The following SIAH2 variants were observed in gnomAD, a reference collection of about 807,000 sequenced individuals.
SIAH2 encodes siah E3 ubiquitin protein ligase 2.
A neutral mutation model predicts 20.4 loss-of-function variants in SIAH2; 4 were observed. The ratio of observed to expected loss-of-function variants is 0.20; its 90% CI spans 0.10 to 0.45. The LOEUF (loss-of-function observed/expected upper bound fraction) is 0.45. Among genes scored for constraint, SIAH2 ranks in the 20% least tolerant of loss-of-function variants. The probability of loss-of-function intolerance (pLI) is 0.99; values close to 1 mark genes in which losing one functional copy is unlikely to be tolerated. For synonymous variants in SIAH2, 171 were observed against 192.5 expected (o/e 0.89, Z 0.93); for missense variants, 259 against 440.3 (o/e 0.59, Z 3.69).
At position 150,754,271 on chromosome 3, in the gene SIAH2, G is replaced by A. The variant is rs186123543; in HGVS notation, c.417+8162C>T. Among the ~76,000 whole-genome samples, 79 of 152,290 alleles carry A rather than the reference G, an allele frequency of 5.2e-4. 1 individual carries two copies. The highest frequency in any genetic ancestry group is 1.8e-3 in the African/African-American group (74 of 41,566). Reference sequence around the variant, plus strand: ...GAAGCATAGTGGCTTCTGCTTCTAGGGAGGCCTCAGAAAGCTTCCAATCAT... The same window carrying A: ...GAAGCATAGTGGCTTCTGCTTCTAGAGAGGCCTCAGAAAGCTTCCAATCAT... On this transcript the variant is annotated intron_variant, in intron 1 of 1. Coordinates refer to ENST00000312960, the MANE Select transcript of SIAH2 (RefSeq NM_005067.7).
intron 1 of SIAH2, among the ~76,000 whole-genome samples, chr3:150,750,053 T>C (rs1714323787): frequency 6.6e-6 from 1 of 152,238 alleles, no homozygotes; most frequent in Non-Finnish European, 1.5e-5. Flanking sequence ...TTTCTGACAG[T>C]ATAATTTATT....
At chr3:150,752,222 C>T (rs1424738588) in intron 1 of SIAH2, among the ~76,000 whole-genome samples, 6 of 152,250 alleles carry the variant, frequency 3.9e-5, no homozygotes, top group Non-Finnish European at 7.3e-5. Context: ...ACTGCCCTGA[C>T]AGTTCTTCAA....
Position 150,742,130 on chromosome 3 carries a change from C to A in SIAH2, c.*11G>T, listed in dbSNP as rs1472356069. On this transcript the variant is annotated 3_prime_UTR_variant, in exon 2 of 2. Transcript: ENST00000312960. This position sits in a 1 kb window ranked among gnomAD's most constrained non-coding sequence, Gnocchi z 4.8. The stretch of plus-strand genomic sequence containing the variant: ...ATGCCCAAATAATTTTGAAGGTTTA[C>A]GAAAGTCACATCATGGACAACATGT... 1 of 1,597,196 alleles carries A rather than the reference C, an allele frequency of 6.3e-7. No individual in the cohort carries two copies. Among genetic ancestry groups the A allele is most frequent in the Non-Finnish European group, 8.6e-7 (1 of 1,169,436 alleles).
At chr3:150,743,730 C>T (rs1244649938) in intron 1 of SIAH2, among the ~76,000 whole-genome samples, 1 of 152,188 alleles carries the variant, frequency 6.6e-6, no homozygotes, top group Admixed American at 6.5e-5. Flanking sequence ...TGAACTTCTA[C>T]TCCAGACTCT....
intron 1 of SIAH2, among the ~76,000 whole-genome samples, chr3:150,758,586 T>C (rs2108125439): frequency 6.6e-6 from 1 of 151,062 alleles, no homozygotes; most frequent in South Asian, 2.1e-4. Context: ...TTTTTTTTTT[T>C]TTGACACAGA....
At chr3:150,760,074 T>G (rs1338341617) in intron 1 of SIAH2, among the ~76,000 whole-genome samples, 1 of 152,214 alleles carries the variant, frequency 6.6e-6, no homozygotes, top group African/African-American at 2.4e-5. Flanking sequence ...TGTTTTAAGT[T>G]TGATACAGGC....
At chr3:150,761,904 T>C (rs575063794) in intron 1 of SIAH2, 1 of 154,950 alleles carries the variant, frequency 6.5e-6, no homozygotes, top group African/African-American at 2.4e-5. Flanking sequence ...TTCTTCTAGC[T>C]AGAGGAAAAC....
chr3:150,761,141 CT>C (rs1256440315), intron 1 of SIAH2, among the ~76,000 whole-genome samples: 2 of 152,152 alleles, frequency 1.3e-5, no homozygotes, highest in Non-Finnish European at 1.5e-5. Context: ...AGCTCTTGTC[CT>C]ATAAAATAAG....
In SIAH2 at chr3:150,741,199, A is replaced by T. The variant is rs945751600; in HGVS notation, c.*942T>A. ...ACAAAACCAACACACAGCTTTAAAT[A>T]GCAAGCATATGACACACCGGTTATA... On this transcript the variant is annotated 3_prime_UTR_variant, in exon 2 of 2. Transcript: ENST00000312960. 1.3e-5 allele frequency: 2 copies of T among 152,666 alleles called. No individual in the cohort carries two copies. The highest frequency in any genetic ancestry group is 2.9e-5 in the Non-Finnish European group (2 of 68,044). The allele number at this position is 152,666 out of a possible 1,614,324, so 9.5% of individuals were successfully genotyped here. A position where few individuals can be genotyped will look rare whatever the true frequency, so the allele number is the denominator to read the frequency against.
intron 1 of SIAH2, among the ~76,000 whole-genome samples, chr3:150,750,371 C>T (rs1714329974): frequency 6.6e-6 from 1 of 152,102 alleles, no homozygotes; most frequent in South Asian, 2.1e-4. Flanking sequence ...TTAGATGTAT[C>T]TGCCGAAGAT....
chr3:150,756,760 G>A (rs773947343), intron 1 of SIAH2, among the ~76,000 whole-genome samples: 12 of 152,126 alleles, frequency 7.9e-5, no homozygotes, highest in Non-Finnish European at 1.8e-4. Flanking sequence ...AAACTACAAC[G>A]AAAGGTGTAT....
chr3:150,762,725 C>T lies in SIAH2; in HGVS notation c.125G>A (p.Gly42Asp), dbSNP rs1029272895. ...PPAAATISAA[G>D]PGSSAVPAAA... is the part of the protein sequence containing the mutation. ...GGCGGGCACCGCGGACGAGCCGGGGCCCGCAGCCGAGATGGTGGCGGCGGC... is the reference window on the plus strand; with the variant it reads ...GGCGGGCACCGCGGACGAGCCGGGGTCCGCAGCCGAGATGGTGGCGGCGGC... Residue 42 changes from glycine (G) to aspartate (D), a missense_variant, in exon 1 of 2, where the codon GGC becomes GAC. Coordinates refer to ENST00000312960, the MANE Select transcript of SIAH2 (RefSeq NM_005067.7). This position sits in a 1 kb window ranked among gnomAD's most constrained non-coding sequence, Gnocchi z 6.6. 14 of 1,190,786 alleles carry T rather than the reference C, an allele frequency of 1.2e-5. No individual in the cohort carries two copies. In the Admixed American group the frequency reaches 1.4e-4, roughly 12 times the overall value. The allele number at this position is 1,190,786 out of a possible 1,614,324, so 73.8% of individuals were successfully genotyped here. A position where few individuals can be genotyped will look rare whatever the true frequency, so the allele number is the denominator to read the frequency against.
At chr3:150,761,416 A>C (rs1714606889) in intron 1 of SIAH2, among the ~76,000 whole-genome samples, 1 of 152,238 alleles carries the variant, frequency 6.6e-6, no homozygotes, top group Non-Finnish European at 1.5e-5. Flanking sequence ...AATACAATGA[A>C]GTCGACTAGG....
chr3:150,746,422 C>T (rs1486621208), intron 1 of SIAH2, among the ~76,000 whole-genome samples: 2 of 151,982 alleles, frequency 1.3e-5, no homozygotes, highest in Non-Finnish European at 2.9e-5. Flanking sequence ...AACAAACAAA[C>T]AACCTAAAGG....
Position 150,742,617 on chromosome 3 carries a change from A to G in SIAH2, c.499T>C (p.Ser167Pro). ...CAGGAAGCACCAGGACATGGGCAGG[A>G]GTAGGGACGGTATTCACATATGTCT... ...HEDICEYRPY[S>P]CPCPGASCKW... The change falls in exon 2 of 2, where the codon TCC (serine) becomes CCC (proline). Residue 167 changes from serine to proline, a missense_variant. Ser to Pro is a moderately conservative substitution (Grantham distance 74, BLOSUM62 -1). Transcript: ENST00000312960. This position sits in a 1 kb window ranked among gnomAD's most constrained non-coding sequence, Gnocchi z 4.8. The G allele has an allele frequency of 6.2e-7, 1 of 1,610,364 alleles. No individual in the cohort carries two copies. The highest frequency in any genetic ancestry group is 8.5e-7 in the Non-Finnish European group (1 of 1,177,992).
intron 1 of SIAH2, among the ~76,000 whole-genome samples, chr3:150,753,237 G>C (rs974040122): frequency 1.3e-5 from 2 of 152,196 alleles, no homozygotes; most frequent in Admixed American, 6.5e-5. Flanking sequence ...GGTGAGCAGA[G>C]GCAAGAACTG....
Position 150,762,885 on chromosome 3 carries a change from G to T in SIAH2, c.-36C>A. On this transcript the variant is annotated 5_prime_UTR_variant, in exon 1 of 2. Transcript: ENST00000312960. This position sits in a 1 kb window ranked among gnomAD's most constrained non-coding sequence, Gnocchi z 6.6. ...ACCAACCATGGAACTGCGGGCGCCT[G>T]CCTGCCGCGGGGCCGCCCGGGTCAA... 1 of 1,165,310 alleles carries T rather than the reference G, an allele frequency of 8.6e-7. No homozygotes were observed. The highest frequency in any genetic ancestry group is 1.6e-5 in the African/African-American group (1 of 61,190). 72.2% of individuals were successfully genotyped at this position (1,165,310 alleles called of 1,614,324 possible).
At chr3:150,743,221 C>T (rs1305487574) in intron 1 of SIAH2, among the ~76,000 whole-genome samples, 1 of 152,258 alleles carries the variant, frequency 6.6e-6, no homozygotes, top group African/African-American at 2.4e-5. Flanking sequence ...GTGGGGAAGG[C>T]TGCCCTTTGG....
intron 1 of SIAH2, among the ~76,000 whole-genome samples, chr3:150,760,599 C>T (rs371124023): frequency 2.6e-5 from 4 of 152,228 alleles, no homozygotes; most frequent in East Asian, 1.9e-4. Context: ...GGGAACAACA[C>T]AATTCTATTA....
Sources: allele counts gnomAD v4.1 joint callset (sites outside exome capture counted in the v4.1 genomes callset), GRCh38; gene constraint gnomAD v4.1.1; non-coding constraint Gnocchi (gnomAD v3.1); transcripts MANE v1.5; gene names NCBI Gene and HGNC (gene_info 2026-07-23, HGNC 2026-07-21).